The following SBK3 variants were observed in gnomAD, a reference collection of about 807,000 sequenced individuals.
SBK3 encodes SH3 domain binding kinase family member 3, also known as uncharacterized serine/threonine-protein kinase SBK3.
A neutral mutation model predicts 12.7 loss-of-function variants in SBK3; 16 were observed. The observed-to-expected ratio is 1.26, with a 90% CI of 0.86 to 1.92. SBK3 has a LOEUF of 1.92. Ranked by LOEUF, SBK3 falls within the 40% of genes most tolerant of loss-of-function variation. SBK3 has a pLI of 0.00. For missense variants in SBK3, 462 were observed against 481.8 expected, an observed-to-expected ratio of 0.96 and a Z score of 0.38; for synonymous variants, 217 against 213.6, an observed-to-expected ratio of 1.02 and a Z score of -0.14.
At chr19:55,543,392 C>T (rs1164737781) in intron 3 of SBK3, among the ~76,000 whole-genome samples, 1 of 144,332 alleles carries the variant, frequency 6.9e-6, no homozygotes, top group Non-Finnish European at 1.5e-5. Flanking sequence ...TTCCTTCCAC[C>T]CATCTATTCA....
chr19:55,545,297 G>A lies in SBK3; in HGVS notation c.45+202C>T. On this transcript the variant is annotated intron_variant, in intron 1 of 3. Coordinates refer to ENST00000612221, the MANE Select transcript of SBK3 (RefSeq NM_001199824.2). The surrounding 1 kb of genome is among the most constrained non-coding windows in gnomAD (Gnocchi z 4.4). ...TCTTCCCCTGTGCATCCCGCTGTGT[G>A]TTTCTGAGTCCAATTCTCTGGGGGC... is the stretch of plus-strand genomic sequence containing the variant. The A allele has an allele frequency of 3.4e-6, 2 of 595,946 alleles. No homozygotes were observed. The highest frequency in any genetic ancestry group is 2.1e-5 in the South Asian group (1 of 48,384). 36.9% of individuals were successfully genotyped at this position (595,946 alleles called of 1,614,324 possible). A position where few individuals can be genotyped will look rare whatever the true frequency, so the allele number is the denominator to read the frequency against.
Position 55,541,398 on chromosome 19 carries a change from G to A in SBK3, c.528C>T (p.Cys176=), listed in dbSNP as rs1465531049. Residue 176 remains cysteine (C), a synonymous_variant, in exon 4 of 4, where the codon TGC becomes TGT. Transcript: ENST00000612221. The surrounding 1 kb of genome is among the most constrained non-coding windows in gnomAD (Gnocchi z 5.3). The part of the protein sequence containing the change: ...PDNVLVFDPV[C]SRVALGDLGL... ...CCAGGTCTCCCAGGGCCACACGGCT[G>A]CAGACCGGGTCGAAGACCAGCACGT... 1 of 1,535,834 alleles carries A rather than the reference G, an allele frequency of 6.5e-7. No individual in the cohort carries two copies. Among genetic ancestry groups the A allele is most frequent in the Non-Finnish European group, 8.7e-7 (1 of 1,146,814 alleles).
Sources: allele counts gnomAD v4.1 joint callset (sites outside exome capture counted in the v4.1 genomes callset), GRCh38; gene constraint gnomAD v4.1.1; non-coding constraint Gnocchi (gnomAD v3.1); transcripts MANE v1.5; gene names NCBI Gene and HGNC (gene_info 2026-07-23, HGNC 2026-07-21).